Variants in SPESP1 observed in about 807,000 individuals in gnomAD.
The protein encoded by SPESP1 is equatorial segment protein.
A neutral mutation model predicts 3.1 loss-of-function variants in SPESP1; 1 was observed. That is an observed-to-expected ratio of 0.33 (90% CI 0.12 to 1.54). The LOEUF is 1.54. SPESP1 is among the 40% of genes most tolerant of loss of function. SPESP1 has a pLI of 0.38. For synonymous variants in SPESP1, 138 were observed against 150.7 expected, an observed-to-expected ratio of 0.92 and a Z score of 0.62; for missense variants, 398 against 410.1, an observed-to-expected ratio of 0.97 and a Z score of 0.26.
At chr15:68,938,120 A>G (rs1895729697) in intron 1 of SPESP1, among the ~76,000 whole-genome samples, 1 of 152,134 alleles carries the variant, frequency 6.6e-6, no homozygotes, top group South Asian at 2.1e-4. Context: ...AGCTGGGACT[A>G]CAGGTGCATG....
intron 1 of SPESP1, among the ~76,000 whole-genome samples, chr15:68,935,215 CTT>C (rs1046223196): frequency 2.6e-5 from 4 of 152,154 alleles, no homozygotes; most frequent in African/African-American, 9.7e-5. Context: ...ATTTTTAACT[CTT>C]TATCCGCACT....
chr15:68,932,504 C>T (rs1895573420), intron 1 of SPESP1, among the ~76,000 whole-genome samples: 1 of 152,132 alleles, frequency 6.6e-6, no homozygotes, highest in African/African-American at 2.4e-5. Context: ...GATTCTCCCA[C>T]CTCAGCCTCC....
At chr15:68,943,739 A>G (rs910960521) in intron 1 of SPESP1, among the ~76,000 whole-genome samples, 8 of 152,156 alleles carry the variant, frequency 5.3e-5, no homozygotes, top group African/African-American at 1.9e-4. Flanking sequence ...CTGTGAATAA[A>G]GTAGGAATAT....
At chr15:68,937,791 T>C (rs1288988578) in intron 1 of SPESP1, among the ~76,000 whole-genome samples, 1 of 152,186 alleles carries the variant, frequency 6.6e-6, no homozygotes, top group East Asian at 1.9e-4. Flanking sequence ...TTTGCCTACT[T>C]GACTGGCAAA....
At chr15:68,943,074 G>GGTGTGTGTGT (rs367666234) in intron 1 of SPESP1, among the ~76,000 whole-genome samples, 4 of 147,738 alleles carry the variant, frequency 2.7e-5, no homozygotes, top group African/African-American at 9.9e-5. Flanking sequence ...TTAAATGATT[G>GGTGTGTGTGT]GTGTGTGTGT....
rs1895960402 is a variant in SPESP1, at chr15:68,946,214, T to G, written c.680T>G (p.Leu227Trp). The G allele has an allele frequency of 1.9e-6, 3 of 1,614,098 alleles. No homozygotes were observed. Among genetic ancestry groups the G allele is most frequent in the Non-Finnish European group, 2.5e-6 (3 of 1,180,010 alleles). Residue 227 changes from leucine to tryptophan, a missense_variant, in exon 2 of 2, where the codon TTG becomes TGG. By Grantham distance (61) the Leu-to-Trp change is moderately conservative. Transcript: ENST00000310673. Reference sequence around the variant, plus strand: ...GAGAGTTGGAATAATGATGACATTTTGAAAAAAATTTTAGATATTAATTCA... The same window carrying G: ...GAGAGTTGGAATAATGATGACATTTGGAAAAAAATTTTAGATATTAATTCA... The part of the protein sequence containing the change: ...HPESWNNDDI[L>W]KKILDINSQV...
At chr15:68,937,246 G>A (rs1437987536) in intron 1 of SPESP1, among the ~76,000 whole-genome samples, 2 of 152,088 alleles carry the variant, frequency 1.3e-5, no homozygotes, top group South Asian at 4.1e-4. Flanking sequence ...CATTCATTCA[G>A]TTATTCATAC....
intron 1 of SPESP1, among the ~76,000 whole-genome samples, chr15:68,944,569 G>A (rs1413519772): frequency 6.6e-6 from 1 of 151,968 alleles, no homozygotes; most frequent in Non-Finnish European, 1.5e-5. Context: ...TGCTGCCAGC[G>A]GTTCATGAAG....
chr15:68,945,784 T>G lies in SPESP1; in HGVS notation c.250T>G (p.Ser84Ala), dbSNP rs1311904345. Residue 84 changes from serine to alanine, a missense_variant, in exon 2 of 2, where the codon TCA becomes GCA. Coordinates refer to ENST00000310673, the MANE Select transcript of SPESP1 (RefSeq NM_145658.4). ...FKELVTHGDA[S>A]TENDVLTNPI... ...GGAGCTAGTTACACATGGAGACGCTTCAACTGAGAATGATGTTTTAACCAA... is the reference window on the plus strand; with the variant it reads ...GGAGCTAGTTACACATGGAGACGCTGCAACTGAGAATGATGTTTTAACCAA... 6.2e-7 allele frequency: 1 copy of G among 1,614,028 alleles called. No individual in the cohort carries two copies.
Position 68,946,133 on chromosome 15 carries a change from C to T in SPESP1, c.599C>T (p.Pro200Leu), listed in dbSNP as rs777927966. 4 of 1,614,152 alleles carry T rather than the reference C, an allele frequency of 2.5e-6. No individual in the cohort carries two copies. The highest frequency in any genetic ancestry group is 1.3e-5 in the African/African-American group (1 of 75,032). Residue 200 changes from proline (P) to leucine (L), a missense_variant, in exon 2 of 2, where the codon CCT becomes CTT. Pro to Leu is a moderately conservative substitution (Grantham distance 98, BLOSUM62 -3). Transcript: ENST00000310673. ...IGISTESEDV[P>L]QLSGETAIEK... ...ATCTCTACAGAATCAGAAGATGTTC[C>T]TCAGCTCTCAGGTGAAACTGCGATA...
Position 68,930,736 on chromosome 15 carries a change from G to A in SPESP1, c.64+19G>A, listed in dbSNP as rs757904215. Reference sequence around the variant, plus strand: ...TATCCGAGTGAGTGACGGGCCTGAGGAGGCAGCGGACCGGGGACACCCTGG... The same window carrying A: ...TATCCGAGTGAGTGACGGGCCTGAGAAGGCAGCGGACCGGGGACACCCTGG... On this transcript the variant is annotated intron_variant, in intron 1 of 1. Coordinates refer to ENST00000310673, the MANE Select transcript of SPESP1 (RefSeq NM_145658.4). 7.4e-6 allele frequency: 12 copies of A among 1,613,788 alleles called. No individual in the cohort carries two copies. Among genetic ancestry groups the A allele is most frequent in the South Asian group, 1.1e-5 (1 of 91,074 alleles).
At chr15:68,930,842 G>C (rs954981894) in intron 1 of SPESP1, 125 bp downstream of exon 1, 1 of 1,475,524 alleles carries the variant, frequency 6.8e-7, no homozygotes, top group Non-Finnish European at 9.3e-7. Flanking sequence ...CCCACTGTCC[G>C]GGGTCCTGGC....
intron 1 of SPESP1, among the ~76,000 whole-genome samples, chr15:68,940,819 C>A (rs963594356): frequency 6.7e-6 from 1 of 148,524 alleles, no homozygotes; most frequent in African/African-American, 2.5e-5. Context: ...TCAAGAAATA[C>A]ATAACGTCGG....
chr15:68,933,040 T>C (rs1895590861), intron 1 of SPESP1, among the ~76,000 whole-genome samples: 2 of 152,238 alleles, frequency 1.3e-5, no homozygotes, highest in Admixed American at 1.3e-4. Flanking sequence ...AAATCAGCTA[T>C]GCATTCTTTT....
intron 1 of SPESP1, 23 bp downstream of exon 1, chr15:68,930,740 C>G (rs779548907): frequency 6.2e-7 from 1 of 1,613,614 alleles, no homozygotes; most frequent in Admixed American, 1.7e-5. Flanking sequence ...CCTGAGGAGG[C>G]AGCGGACCGG....
At chr15:68,936,776 A>T (rs1895692702) in intron 1 of SPESP1, among the ~76,000 whole-genome samples, 1 of 152,196 alleles carries the variant, frequency 6.6e-6, no homozygotes, top group Non-Finnish European at 1.5e-5. Flanking sequence ...AGATTGATAA[A>T]ATTCAATGAA....
At chr15:68,933,313 G>A (rs1895598816) in intron 1 of SPESP1, among the ~76,000 whole-genome samples, 3 of 152,108 alleles carry the variant, frequency 2.0e-5, no homozygotes, top group Admixed American at 2.0e-4. Flanking sequence ...CATAAATGCA[G>A]CTTGGGTATA....
intron 1 of SPESP1, among the ~76,000 whole-genome samples, chr15:68,931,761 G>A (rs1228199648): frequency 6.6e-6 from 1 of 152,186 alleles, no homozygotes; most frequent in Non-Finnish European, 1.5e-5. Context: ...GCACCTTAAG[G>A]CACTTAGTAT....
chr15:68,933,068 A>T (rs887970358), intron 1 of SPESP1, among the ~76,000 whole-genome samples: 1 of 152,220 alleles, frequency 6.6e-6, no homozygotes, highest in African/African-American at 2.4e-5. Flanking sequence ...CACTATTCAA[A>T]CAATTGTTGG....
Sources: gnomAD v4.1 joint callset for allele counts (sites outside exome capture counted in the v4.1 genomes callset) on GRCh38, gnomAD v4.1.1 for gene constraint, MANE v1.5 for transcripts, NCBI Gene and HGNC (gene_info 2026-07-23, HGNC 2026-07-21) for gene names.